CDCP1: variants seen among roughly 807,000 people sequenced by gnomAD.
CDCP1 encodes CUB domain containing protein 1.
A neutral mutation model predicts 60.2 loss-of-function variants in CDCP1; 29 were observed. The observed-to-expected ratio is 0.48, with a 90% CI of 0.36 to 0.66. The LOEUF (loss-of-function observed/expected upper bound fraction) is 0.66, where lower values mean the gene tolerates loss of function less well. Ranked by LOEUF, CDCP1 falls within the 30% of genes least tolerant of loss-of-function variation. The pLI is 0.00. For missense variants in CDCP1, 876 were observed against 1,074.3 expected, an observed-to-expected ratio of 0.82 and a Z score of 2.58; for synonymous variants, 387 against 431.1, an observed-to-expected ratio of 0.90 and a Z score of 1.27.
intron 2 of CDCP1, among the ~76,000 whole-genome samples, chr3:45,114,712 C>T (rs1698756559): frequency 6.6e-6 from 1 of 152,194 alleles, no homozygotes; most frequent in Admixed American, 6.5e-5. Context: ...CATGCTCAGC[C>T]AACTTTCATT....
intron 1 of CDCP1, 129 bp downstream of exon 1, chr3:45,146,077 G>A: frequency 2.6e-6 from 2 of 757,434 alleles, no homozygotes; most frequent in Non-Finnish European, 2.0e-6. Context: ...TGACTACGCC[G>A]TCCCCGCCCT....
At chr3:45,136,696 C>A (rs1321327001) in intron 1 of CDCP1, among the ~76,000 whole-genome samples, 1 of 152,250 alleles carries the variant, frequency 6.6e-6, no homozygotes, top group African/African-American at 2.4e-5. Flanking sequence ...CAACCACATT[C>A]TTGCAGGAAG....
chr3:45,108,692 T>C (rs937150396), intron 4 of CDCP1, among the ~76,000 whole-genome samples: 1 of 148,650 alleles, frequency 6.7e-6, no homozygotes, highest in African/African-American at 2.5e-5. Context: ...TATATATATA[T>C]GTGCATGTAT....
chr3:45,125,421 C>T (rs2126003372), intron 1 of CDCP1, among the ~76,000 whole-genome samples: 1 of 152,294 alleles, frequency 6.6e-6, no homozygotes, highest in South Asian at 2.1e-4. Flanking sequence ...AGATGTGCTT[C>T]CTTGGGCAAA....
intron 1 of CDCP1, among the ~76,000 whole-genome samples, chr3:45,124,513 C>A (rs972632836): frequency 6.6e-5 from 10 of 152,074 alleles, no homozygotes; most frequent in Non-Finnish European, 1.5e-4. Flanking sequence ...CCCAGGATGC[C>A]AAGGGAGGCA....
intron 4 of CDCP1, among the ~76,000 whole-genome samples, chr3:45,107,609 C>T (rs1395204816): frequency 6.6e-6 from 1 of 152,198 alleles, no homozygotes; most frequent in Non-Finnish European, 1.5e-5. Context: ...CTACCTCACA[C>T]TGTCCTCACA....
intron 1 of CDCP1, 62 bp from the exon 2 acceptor site, chr3:45,118,683 C>G: frequency 7.4e-7 from 1 of 1,354,758 alleles, no homozygotes; most frequent in Non-Finnish European, 1.1e-6. Context: ...TGCTGTGGTC[C>G]CCGACCCCAA....
At chr3:45,105,841 G>A (rs1698555372) in intron 4 of CDCP1, among the ~76,000 whole-genome samples, 1 of 152,168 alleles carries the variant, frequency 6.6e-6, no homozygotes, top group African/African-American at 2.4e-5. Flanking sequence ...TGGTAATCTT[G>A]TGATATCAAA....
Position 45,118,669 on chromosome 3 carries a change from A to G in CDCP1, c.83-48T>C, listed in dbSNP as rs965358071. 1.1e-5 allele frequency: 17 copies of G among 1,513,540 alleles called. No individual in the cohort carries two copies. In the Admixed American group the frequency reaches 2.9e-4, roughly 26 times the overall value. 93.8% of individuals were successfully genotyped at this position (1,513,540 alleles called of 1,614,324 possible). ...AGTAAGCAGGATGATTTAGGTCTGC[A>G]AACTGCTGTGGTCCCCGACCCCAAT... is the stretch of plus-strand genomic sequence containing the variant. On this transcript the variant is annotated intron_variant, in intron 1 of 8. Coordinates refer to ENST00000296129, the MANE Select transcript of CDCP1 (RefSeq NM_022842.5).
chr3:45,128,805 C>T (rs539946602), intron 1 of CDCP1, among the ~76,000 whole-genome samples: 1 of 152,340 alleles, frequency 6.6e-6, no homozygotes, highest in East Asian at 1.9e-4. Context: ...ACAACCTCTG[C>T]CTTCCAGGTT....
chr3:45,118,295 T>C (rs78506979), intron 2 of CDCP1, 117 bp downstream of exon 2: 1 of 772,862 alleles, frequency 1.3e-6, no homozygotes, highest in Non-Finnish European at 2.1e-6. Flanking sequence ...ACTGTAGAGT[T>C]TCAGAATAGA....
chr3:45,126,215 CTTCT>C (rs1185372407), intron 1 of CDCP1, among the ~76,000 whole-genome samples: 2 of 138,928 alleles, frequency 1.4e-5, no homozygotes, highest in East Asian at 4.3e-4. Context: ...TCCTTCCTTC[CTTCT>C]TTCTTTCCTT....
At chr3:45,132,219 AG>A (rs1478650189) in intron 1 of CDCP1, among the ~76,000 whole-genome samples, 3 of 148,050 alleles carry the variant, frequency 2.0e-5, no homozygotes, top group African/African-American at 7.5e-5. Context: ...CTGGCGACAC[AG>A]TGAGACTCCG....
intron 2 of CDCP1, among the ~76,000 whole-genome samples, chr3:45,116,055 A>G (rs1698784390): frequency 6.6e-6 from 1 of 151,754 alleles, no homozygotes; most frequent in South Asian, 2.1e-4. Context: ...GGCATGCATA[A>G]TAAGCCTCCT....
intron 4 of CDCP1, among the ~76,000 whole-genome samples, chr3:45,095,945 G>A (rs537652140): frequency 4.6e-5 from 7 of 152,342 alleles, no homozygotes; most frequent in African/African-American, 1.7e-4. Context: ...CAGGAAAGGA[G>A]ATATAAATGA....
At chr3:45,107,059 C>T (rs879579052) in intron 4 of CDCP1, among the ~76,000 whole-genome samples, 7 of 152,178 alleles carry the variant, frequency 4.6e-5, no homozygotes, top group African/African-American at 1.7e-4. Flanking sequence ...CCTTAGTATT[C>T]CTACCAGCTG....
chr3:45,088,878 C>T (rs1313466896), intron 8 of CDCP1, among the ~76,000 whole-genome samples, 176 bp downstream of exon 8: 1 of 151,004 alleles, frequency 6.6e-6, no homozygotes, highest in African/African-American at 2.5e-5. Flanking sequence ...CACCCCCAGG[C>T]ATGGGATTTT....
At chr3:45,101,066 G>T (rs564664481) in intron 4 of CDCP1, among the ~76,000 whole-genome samples, 184 of 152,342 alleles carry the variant, frequency 1.2e-3, no homozygotes, top group Middle Eastern at 3.4e-3. Context: ...AGTTGAAGAA[G>T]CCTCTATTTG....
intron 1 of CDCP1, among the ~76,000 whole-genome samples, chr3:45,136,827 G>C (rs993896423): frequency 6.6e-6 from 1 of 152,154 alleles, no homozygotes; most frequent in Non-Finnish European, 1.5e-5. Flanking sequence ...AAATATCTTA[G>C]AGGCAAAACT....
Sources: allele counts gnomAD v4.1 joint callset (sites outside exome capture counted in the v4.1 genomes callset), GRCh38; gene constraint gnomAD v4.1.1; transcripts MANE v1.5; gene names NCBI Gene and HGNC (gene_info 2026-07-23, HGNC 2026-07-21).